MYO1D: variants seen among roughly 807,000 people sequenced by gnomAD.
The protein encoded by MYO1D is unconventional myosin-Id.
MYO1D carries 83 observed loss-of-function variants against 122.0 expected under a neutral mutation model. That is an observed-to-expected ratio of 0.68 (90% CI 0.57 to 0.82). The LOEUF (loss-of-function observed/expected upper bound fraction) is 0.82. Ranked by LOEUF, MYO1D falls within the 40% of genes least tolerant of loss-of-function variation. The pLI is 0.00. For missense variants in MYO1D, 1,157 were observed against 1,269.5 expected (o/e 0.91, Z 1.35); for synonymous variants, 464 against 446.9 (o/e 1.04, Z -0.48).
chr17:32,723,893 T>C (rs1218490209), intron 14 of MYO1D, among the ~76,000 whole-genome samples: 1 of 152,114 alleles, frequency 6.6e-6, no homozygotes, highest in Non-Finnish European at 1.5e-5. Context: ...TTACACTTCT[T>C]CCCTATTCTG....
intron 1 of MYO1D, among the ~76,000 whole-genome samples, chr17:32,828,513 CT>C (rs1179177644): frequency 1.7e-5 from 1 of 57,532 alleles, no homozygotes; most frequent in South Asian, 1.1e-3. Context: ...GAGACTCCGT[CT>C]CAAAAAAAAA....
At chr17:32,710,867 A>C (rs1389552926) in intron 16 of MYO1D, among the ~76,000 whole-genome samples, 2 of 152,182 alleles carry the variant, frequency 1.3e-5, no homozygotes, top group Non-Finnish European at 1.5e-5. Context: ...TAAAACAACA[A>C]TGAGATATCA....
At chr17:32,632,177 T>G (rs574949492) in intron 20 of MYO1D, among the ~76,000 whole-genome samples, 2 of 152,296 alleles carry the variant, frequency 1.3e-5, no homozygotes, top group South Asian at 4.1e-4. Flanking sequence ...ATTTTGAGTT[T>G]TTAAAGTTTG....
intron 17 of MYO1D, chr17:32,658,805 G>C (rs527644633): frequency 7.3e-5 from 24 of 330,204 alleles, no homozygotes; most frequent in Non-Finnish European, 1.3e-4. Flanking sequence ...ATGCGTGGTG[G>C]TTTTATTTTT....
Position 32,828,624 on chromosome 17 carries a change from G to T in MYO1D, c.96-47840C>A, listed in dbSNP as rs16963702. 4.7e-3 allele frequency among the ~76,000 whole-genome samples: 712 copies of T among 151,790 alleles called. 7 individuals carry two copies. Among genetic ancestry groups the T allele is most frequent in the African/African-American group, 0.016 (682 of 41,454 alleles). ...TGGCCAAGTATGCCAGGTTCCAAAT[G>T]TTCTCTCTAAGCTACTACATGCAGA... is the stretch of plus-strand genomic sequence containing the variant. On this transcript the variant is annotated intron_variant, in intron 1 of 21. Transcript: ENST00000318217.
intron 1 of MYO1D, among the ~76,000 whole-genome samples, chr17:32,872,887 AG>A (rs1397193418): frequency 6.6e-6 from 1 of 151,414 alleles, no homozygotes; most frequent in African/African-American, 2.4e-5. Flanking sequence ...TAGTAGAGAC[AG>A]GGTTTCACCT....
chr17:32,598,714 T>C (rs1250243589), intron 21 of MYO1D, among the ~76,000 whole-genome samples: 4 of 152,246 alleles, frequency 2.6e-5, no homozygotes, highest in South Asian at 2.1e-4. Flanking sequence ...GTTTACATTA[T>C]ACTGTAGTCT....
At chr17:32,668,913 A>G (rs2088672130) in intron 16 of MYO1D, among the ~76,000 whole-genome samples, 1 of 152,116 alleles carries the variant, frequency 6.6e-6, no homozygotes, top group African/African-American at 2.4e-5. Context: ...CATGTTAGCC[A>G]GGATGGTCTT....
chr17:32,834,108 T>A (rs1414696643), intron 1 of MYO1D, among the ~76,000 whole-genome samples: 1 of 152,222 alleles, frequency 6.6e-6, no homozygotes, highest in South Asian at 2.1e-4. Context: ...CAGCATATTG[T>A]AGGCGCCCAA....
intron 15 of MYO1D, among the ~76,000 whole-genome samples, chr17:32,714,147 C>T (rs1222128016): frequency 1.3e-5 from 2 of 151,046 alleles, no homozygotes; most frequent in East Asian, 1.9e-4. Flanking sequence ...TGGTGGTTTG[C>T]TGTACAAATC....
chr17:32,794,612 A>G (rs1736924897), intron 1 of MYO1D, among the ~76,000 whole-genome samples: 1 of 151,942 alleles, frequency 6.6e-6, no homozygotes, highest in Non-Finnish European at 1.5e-5. Context: ...AATGCAGGCA[A>G]TGATAAGGAC....
intron 21 of MYO1D, among the ~76,000 whole-genome samples, chr17:32,559,507 C>G (rs886886161): frequency 5.9e-5 from 9 of 152,246 alleles, no homozygotes; most frequent in Non-Finnish European, 1.0e-4. Flanking sequence ...ACATGCTCAG[C>G]TGTAGCCAAT....
chr17:32,496,430 T>G (rs1205825536), intron 21 of MYO1D: 1 of 152,224 alleles, frequency 6.6e-6, no homozygotes, highest in Non-Finnish European at 1.5e-5. Flanking sequence ...AGCTAAAACC[T>G]GAGCTTAGAC....
At chr17:32,737,257 AG>A (rs2151002057) in intron 14 of MYO1D, among the ~76,000 whole-genome samples, 1 of 152,342 alleles carries the variant, frequency 6.6e-6, no homozygotes, top group East Asian at 1.9e-4. Context: ...AGCAGCAGTT[AG>A]GGGTAGAAAT....
intron 1 of MYO1D, among the ~76,000 whole-genome samples, chr17:32,839,912 C>T (rs1458040309): frequency 9.2e-5 from 14 of 152,064 alleles, no homozygotes; most frequent in Non-Finnish European, 1.9e-4. Flanking sequence ...CACATAATGC[C>T]AAAAAGACAT....
intron 16 of MYO1D, among the ~76,000 whole-genome samples, chr17:32,707,657 G>A (rs1598027165): frequency 6.6e-6 from 1 of 152,168 alleles, no homozygotes; most frequent in African/African-American, 2.4e-5. Context: ...GGAACTTGCT[G>A]GTCAACAGCT....
intron 1 of MYO1D, among the ~76,000 whole-genome samples, chr17:32,792,063 T>C (rs891537192): frequency 1.2e-4 from 18 of 152,244 alleles, no homozygotes; most frequent in African/African-American, 4.1e-4. Flanking sequence ...TTCCATTTCA[T>C]GGGTGATTAT....
intron 14 of MYO1D, among the ~76,000 whole-genome samples, chr17:32,731,975 C>T (rs955573628): frequency 2.6e-5 from 4 of 152,238 alleles, no homozygotes; most frequent in Non-Finnish European, 4.4e-5. Flanking sequence ...CTGGTCTTGG[C>T]GCCCACTCTG....
chr17:32,808,455 TAA>T (rs2090539936), intron 1 of MYO1D, among the ~76,000 whole-genome samples: 1 of 151,600 alleles, frequency 6.6e-6, no homozygotes, highest in African/African-American at 2.4e-5. Flanking sequence ...AGGAATGCAG[TAA>T]AAGTTTTCCC....
Sources: gnomAD v4.1 joint callset for allele counts (sites outside exome capture counted in the v4.1 genomes callset) on GRCh38, gnomAD v4.1.1 for gene constraint, MANE v1.5 for transcripts, NCBI Gene and HGNC (gene_info 2026-07-23, HGNC 2026-07-21) for gene names.